The following RYR2 variants were observed in gnomAD, a reference collection of about 807,000 sequenced individuals.
RYR2 encodes the protein cardiac muscle ryanodine receptor-calcium release channel.
A neutral mutation model predicts 601.1 loss-of-function variants in RYR2; 227 were observed. The ratio of observed to expected loss-of-function variants is 0.38; its 90% CI spans 0.34 to 0.42. The LOEUF is 0.42. Among genes scored for constraint, RYR2 ranks in the 10% least tolerant of loss-of-function variants. The pLI is 1.00. For missense variants in RYR2, 4,646 were observed against 6,156.5 expected (o/e 0.75, Z 8.21); for synonymous variants, 2,223 against 2,175.1 (o/e 1.02, Z -0.61).
intron 2 of RYR2, among the ~76,000 whole-genome samples, chr1:237,293,320 T>A (rs941354396): frequency 1.3e-5 from 2 of 152,114 alleles, no homozygotes; most frequent in Non-Finnish European, 2.9e-5. Context: ...GATTCTCATG[T>A]CTCAGCCTCT....
chr1:237,386,827 A>G (rs771070778), intron 8 of RYR2, among the ~76,000 whole-genome samples: 12 of 152,194 alleles, frequency 7.9e-5, no homozygotes, highest in Non-Finnish European at 1.3e-4. Context: ...GAAGGACTCC[A>G]TAAAAGACCC....
At chr1:237,656,079 T>C in intron 53 of RYR2, 95 bp downstream of exon 53, 3 of 1,110,220 alleles carry the variant, frequency 2.7e-6, no homozygotes, top group Non-Finnish European at 3.8e-6. Flanking sequence ...CTCTAATACA[T>C]GCCCCCTTTG....
chr1:237,754,123 C>T (rs550887650), intron 80 of RYR2, among the ~76,000 whole-genome samples: 4 of 150,240 alleles, frequency 2.7e-5, no homozygotes, highest in East Asian at 3.9e-4. Context: ...TATTTTTCTG[C>T]GTCTAGATCA....
intron 2 of RYR2, among the ~76,000 whole-genome samples, chr1:237,307,917 C>T (rs1694040273): frequency 6.6e-6 from 1 of 152,152 alleles, no homozygotes; most frequent in African/African-American, 2.4e-5. Context: ...AGAGCGACTC[C>T]ATTTTGAGTG....
chr1:237,333,390 A>C (rs1349748903), intron 3 of RYR2, among the ~76,000 whole-genome samples: 1 of 152,224 alleles, frequency 6.6e-6, no homozygotes, highest in Non-Finnish European at 1.5e-5. Context: ...GCCACAGGTG[A>C]TGCCAGTTAA....
intron 13 of RYR2, among the ~76,000 whole-genome samples, chr1:237,443,713 G>A (rs964100629): frequency 6.6e-6 from 1 of 151,896 alleles, no homozygotes; most frequent in Non-Finnish European, 1.5e-5. Flanking sequence ...ATTTTTATGT[G>A]TCACAAAACA....
intron 17 of RYR2, among the ~76,000 whole-genome samples, chr1:237,473,178 C>G (rs992065657): frequency 6.6e-6 from 1 of 152,016 alleles, no homozygotes; most frequent in African/African-American, 2.4e-5. Flanking sequence ...AATCCCAGCA[C>G]TTTGGGAGGC....
Position 237,678,083 on chromosome 1 carries a change from T to C in RYR2, c.8866T>C (p.Tyr2956His). ...CAGAGGCAAAGGAGAACATTTCCCT[T>C]ATGAACAAGAAATCAAGTTCTTTGC... The part of the protein sequence containing the change: ...GSRGKGEHFP[Y>H]EQEIKFFAKV... The change falls in exon 61 of 105, where the codon TAT (tyrosine) becomes CAT (histidine). Residue 2956 changes from tyrosine (Y) to histidine (H), a missense_variant. Physicochemically the swap from Tyr to His is moderately conservative, Grantham distance 83 (BLOSUM62 2). Coordinates refer to ENST00000366574, the MANE Select transcript of RYR2 (RefSeq NM_001035.3). The C allele has an allele frequency of 6.2e-7, 1 of 1,605,504 alleles. No homozygotes were observed. The highest frequency in any genetic ancestry group is 8.5e-7 in the Non-Finnish European group (1 of 1,173,564).
intron 63 of RYR2, among the ~76,000 whole-genome samples, chr1:237,693,021 C>T (rs1453885078): frequency 6.6e-6 from 1 of 152,120 alleles, no homozygotes; most frequent in Non-Finnish European, 1.5e-5. Flanking sequence ...CCAGGTCCGG[C>T]CTTCAAGAAG....
intron 2 of RYR2, among the ~76,000 whole-genome samples, chr1:237,296,667 T>C (rs1017983373): frequency 1.3e-5 from 2 of 152,104 alleles, no homozygotes; most frequent in Non-Finnish European, 2.9e-5. Context: ...GCTGGTGACA[T>C]AGATGTGAGA....
At chr1:237,358,921 C>G (rs1037316115) in intron 4 of RYR2, among the ~76,000 whole-genome samples, 2 of 152,058 alleles carry the variant, frequency 1.3e-5, no homozygotes, top group Non-Finnish European at 2.9e-5. Flanking sequence ...GCTGCCTGGC[C>G]TCTAATAATA....
intron 1 of RYR2, among the ~76,000 whole-genome samples, chr1:237,101,519 A>G (rs1668104798): frequency 6.6e-6 from 1 of 152,206 alleles, no homozygotes; most frequent in Admixed American, 6.5e-5. Context: ...ATAGATGATC[A>G]AAAGCAAACA....
rs11348643 is a variant in RYR2, at chr1:237,439,831, C to CA, written c.1006-1476dup. Reference sequence around the variant, plus strand: ...AAACCAATTTGCTTGAAGAAAAGACCAAAAAAAAAAAATGTTAGAGGCTCA... The same window carrying CA: ...AAACCAATTTGCTTGAAGAAAAGACCAAAAAAAAAAAAATGTTAGAGGCTCA... On this transcript the variant is annotated intron_variant, in intron 12 of 104. Transcript: ENST00000366574. Among the ~76,000 whole-genome samples, 257 of 148,382 alleles carry CA rather than the reference C, an allele frequency of 1.7e-3. 2 individuals are homozygous for CA. Among genetic ancestry groups the CA allele is most frequent in the Middle Eastern group, 0.01 (3 of 286 alleles).
chr1:237,616,687 G>C, intron 37 of RYR2, among the ~76,000 whole-genome samples: 1 of 152,168 alleles, frequency 6.6e-6, no homozygotes, highest in Admixed American at 6.5e-5. Flanking sequence ...TGCACCTGTG[G>C]CTGAAAGGGA....
intron 87 of RYR2, among the ~76,000 whole-genome samples, chr1:237,775,113 TTC>T (rs1270619294): frequency 1.3e-5 from 2 of 149,618 alleles, no homozygotes; most frequent in African/African-American, 2.4e-5. Context: ...AACAAGTAAC[TTC>T]TCTTATTACT....
At chr1:237,310,054 G>A (rs999690315) in intron 2 of RYR2, among the ~76,000 whole-genome samples, 3 of 152,212 alleles carry the variant, frequency 2.0e-5, no homozygotes, top group African/African-American at 7.2e-5. Flanking sequence ...ACAGAGAAGG[G>A]CTCCCACAGT....
chr1:237,058,037 A>G (rs1192039956), intron 1 of RYR2, among the ~76,000 whole-genome samples: 1 of 152,218 alleles, frequency 6.6e-6, no homozygotes, highest in African/African-American at 2.4e-5. Flanking sequence ...TTTGGTGATG[A>G]AATAATCCAG....
At chr1:237,649,835 T>C (rs750900321) in intron 49 of RYR2, 42 bp from the exon 50 acceptor site, 2 of 1,569,266 alleles carry the variant, frequency 1.3e-6, no homozygotes, top group South Asian at 1.1e-5. Flanking sequence ...GATTATCTAC[T>C]GCCAAACACA....
chr1:237,630,713 T>A (rs1312633488), intron 41 of RYR2, among the ~76,000 whole-genome samples: 1 of 152,184 alleles, frequency 6.6e-6, no homozygotes, highest in Non-Finnish European at 1.5e-5. Context: ...CAGTGAATGA[T>A]ACTTTCTCCT....
Sources: allele counts gnomAD v4.1 joint callset (sites outside exome capture counted in the v4.1 genomes callset), GRCh38; gene constraint gnomAD v4.1.1; transcripts MANE v1.5; gene names NCBI Gene and HGNC (gene_info 2026-07-23, HGNC 2026-07-21).